The following SPNS3 variants were observed in gnomAD, a reference collection of about 807,000 sequenced individuals.
SPNS3 encodes protein spinster homolog 3.
SPNS3 carries 51 observed loss-of-function variants against 54.4 expected under a neutral mutation model. The ratio of observed to expected loss-of-function variants is 0.94; its 90% CI spans 0.75 to 1.18. The LOEUF (loss-of-function observed/expected upper bound fraction) is 1.18. Among genes scored for constraint, SPNS3 ranks in the 50% most tolerant of loss-of-function variants. SPNS3 has a pLI of 0.00. For synonymous variants in SPNS3, 309 were observed against 294.7 expected (o/e 1.05, Z -0.50); for missense variants, 669 against 677.4 (o/e 0.99, Z 0.14).
chr17:4,456,624 C>A (rs1347635006), intron 8 of SPNS3, among the ~76,000 whole-genome samples: 1 of 152,174 alleles, frequency 6.6e-6, no homozygotes, highest in East Asian at 1.9e-4. Flanking sequence ...CTTTCAGGTT[C>A]AAGCAATTCT....
rs750194514 is a variant in SPNS3 at position 4,446,224 on chromosome 17, T to A, written c.554+25T>A. The A allele has an allele frequency of 1.0e-4, 167 of 1,590,632 alleles. 1 individual carries two copies. Among genetic ancestry groups the A allele is most frequent in the Non-Finnish European group, 1.4e-4 (165 of 1,163,068 alleles). The stretch of plus-strand genomic sequence containing the variant: ...GGTTGGTATCACCCGTGGGTCTACT[T>A]CCCCAGGTGGTAAACTGAGGCCCAA... On this transcript the variant is annotated intron_variant, in intron 4 of 11. Transcript: ENST00000355530.
At chr17:4,458,494 TTC>T (rs1208312026) in intron 8 of SPNS3, among the ~76,000 whole-genome samples, 1 of 77,146 alleles carries the variant, frequency 1.3e-5, no homozygotes, top group African/African-American at 3.1e-5. Flanking sequence ...TCTTCTTTCT[TTC>T]TTTCTTTCTT....
At chr17:4,476,578 C>T (rs965842316) in intron 8 of SPNS3, among the ~76,000 whole-genome samples, 6 of 152,094 alleles carry the variant, frequency 3.9e-5, no homozygotes, top group African/African-American at 1.4e-4. Context: ...GGGTGTGAGT[C>T]GGGCTGGGCT....
At chr17:4,480,783 TG>T (rs1168519584) in intron 9 of SPNS3, among the ~76,000 whole-genome samples, 3 of 151,852 alleles carry the variant, frequency 2.0e-5, no homozygotes, top group Non-Finnish European at 4.4e-5. Context: ...CAGGGCTCCC[TG>T]TGGCCCTTCC....
chr17:4,450,354 C>CCTCTCT (rs58694489), intron 7 of SPNS3, among the ~76,000 whole-genome samples: 9,690 of 122,094 alleles, frequency 0.079, 435 homozygotes, highest in Middle Eastern at 0.12. Context: ...CCTCTCCCCT[C>CCTCTCT]CTCTCTCTCT....
At chr17:4,462,870 A>AATCC (rs1297005246) in intron 8 of SPNS3, among the ~76,000 whole-genome samples, 134 of 9,366 alleles carry the variant, frequency 0.014, no homozygotes, top group African/African-American at 0.042. Context: ...CCCACCCACC[A>AATCC]ATCCATCCAT....
Position 4,455,427 on chromosome 17 carries a change from C to T in SPNS3, c.1113+2222C>T, listed in dbSNP as rs540070657. Among the ~76,000 whole-genome samples the T allele has an allele frequency of 1.1e-3, 164 of 152,306 alleles. 1 individual carries two copies. Among genetic ancestry groups the T allele is most frequent in the African/African-American group, 3.8e-3 (158 of 41,566 alleles). On this transcript the variant is annotated intron_variant, in intron 8 of 11. Transcript: ENST00000355530. ...GTCCGGAGCTGTTTCTGCTGACTGT[C>T]GGTGCCCCACATGTGGCAGATGCCC...
chr17:4,477,673 A>C (rs1972039326), intron 8 of SPNS3, among the ~76,000 whole-genome samples: 1 of 152,148 alleles, frequency 6.6e-6, no homozygotes, highest in Non-Finnish European at 1.5e-5. Flanking sequence ...CATTCCAAGC[A>C]GGCTTTACCC....
intron 1 of SPNS3, among the ~76,000 whole-genome samples, chr17:4,435,991 G>GTCAT (rs1303060145): frequency 6.6e-6 from 1 of 151,264 alleles, no homozygotes; most frequent in Admixed American, 6.6e-5. Context: ...TTCTCTTCTT[G>GTCAT]TCATTCATTC....
intron 9 of SPNS3, among the ~76,000 whole-genome samples, chr17:4,481,185 C>T (rs2144220538): frequency 6.6e-6 from 1 of 151,692 alleles, no homozygotes; most frequent in African/African-American, 2.4e-5. Flanking sequence ...GAGGGGAGGA[C>T]AGAACAGCCT....
At chr17:4,472,782 T>A (rs1441314582) in intron 8 of SPNS3, among the ~76,000 whole-genome samples, 23 of 63,728 alleles carry the variant, frequency 3.6e-4, no homozygotes, top group African/African-American at 1.8e-3. Flanking sequence ...GCCTTTTTTT[T>A]TTTTTTTTTT....
At chr17:4,475,407 C>T (rs757673933) in intron 8 of SPNS3, among the ~76,000 whole-genome samples, 10 of 152,128 alleles carry the variant, frequency 6.6e-5, no homozygotes, top group South Asian at 2.1e-4. Flanking sequence ...CACTGGCCAG[C>T]GGCCATGGGC....
intron 2 of SPNS3, among the ~76,000 whole-genome samples, chr17:4,441,983 A>AGTGTGTCTGTGTGTGT (rs1970863645): frequency 7.2e-6 from 1 of 139,000 alleles, no homozygotes; most frequent in Admixed American, 7.3e-5. Context: ...CGGAGGGAGA[A>AGTGTGTCTGTGTGTGT]GTGTGTGTGT....
At chr17:4,477,400 C>A (rs1163321807) in intron 8 of SPNS3, among the ~76,000 whole-genome samples, 1 of 152,232 alleles carries the variant, frequency 6.6e-6, no homozygotes, top group East Asian at 1.9e-4. Flanking sequence ...GTGCCTGAGC[C>A]TGGGCTACCC....
chr17:4,447,340 A>T (rs1971026049), intron 5 of SPNS3, among the ~76,000 whole-genome samples: 1 of 152,194 alleles, frequency 6.6e-6, no homozygotes, highest in African/African-American at 2.4e-5. Context: ...TAGGCCCTTG[A>T]GGACTGGCAG....
At chr17:4,474,223 G>A (rs1322654162) in intron 8 of SPNS3, among the ~76,000 whole-genome samples, 4 of 152,194 alleles carry the variant, frequency 2.6e-5, no homozygotes, top group African/African-American at 7.2e-5. Flanking sequence ...GGCTTGTTGG[G>A]CTGCTGCCGG....
chr17:4,435,126 T>A (rs1050948085), intron 1 of SPNS3, among the ~76,000 whole-genome samples: 1 of 151,914 alleles, frequency 6.6e-6, no homozygotes, highest in African/African-American at 2.4e-5. Context: ...ATTTAAAAAA[T>A]TAAAAATATT....
intron 4 of SPNS3, 163 bp from the exon 5 acceptor site, chr17:4,446,733 A>T: frequency 1.5e-6 from 1 of 659,680 alleles, no homozygotes. Context: ...GGCAGTGGAC[A>T]TCTGGGCCTC....
intron 6 of SPNS3, 87 bp downstream of exon 6, chr17:4,448,390 G>T: frequency 7.5e-7 from 1 of 1,329,788 alleles, no homozygotes; most frequent in Non-Finnish European, 9.9e-7. Flanking sequence ...CACCTCCAGG[G>T]AGCCCTCCCT....
Sources: gnomAD v4.1 joint callset for allele counts (sites outside exome capture counted in the v4.1 genomes callset) on GRCh38, gnomAD v4.1.1 for gene constraint, MANE v1.5 for transcripts, NCBI Gene and HGNC (gene_info 2026-07-23, HGNC 2026-07-21) for gene names.